The following OPCML variants were observed in gnomAD, a reference collection of about 807,000 sequenced individuals.
OPCML encodes opioid-binding protein/cell adhesion molecule.
In OPCML, 13 loss-of-function variants were observed where a neutral mutation model predicts 37.8. The ratio of observed to expected loss-of-function variants is 0.34; its 90% CI spans 0.22 to 0.55. The LOEUF (loss-of-function observed/expected upper bound fraction) is 0.55. OPCML is among the 20% of genes least tolerant of loss of function. The probability of loss-of-function intolerance (pLI) is 0.91; values close to 1 mark genes in which losing one functional copy is unlikely to be tolerated. For missense variants in OPCML, 341 were observed against 435.6 expected, an observed-to-expected ratio of 0.78 and a Z score of 1.93; for synonymous variants, 176 against 168.8, an observed-to-expected ratio of 1.04 and a Z score of -0.33.
At chr11:133,503,102 C>A (rs546483197) in intron 1 of OPCML, among the ~76,000 whole-genome samples, 51 of 152,308 alleles carry the variant, frequency 3.3e-4, no homozygotes, top group African/African-American at 1.2e-3. Flanking sequence ...GATCTATATT[C>A]TAAGCTCCGT....
intron 4 of OPCML, among the ~76,000 whole-genome samples, chr11:132,452,653 T>C (rs2096071619): frequency 6.6e-6 from 1 of 152,054 alleles, no homozygotes; most frequent in Non-Finnish European, 1.5e-5. Flanking sequence ...CACCTCCTTT[T>C]TTCATGTCCT....
chr11:132,754,731 T>C (rs2136078878), intron 2 of OPCML, among the ~76,000 whole-genome samples: 1 of 152,244 alleles, frequency 6.6e-6, no homozygotes, highest in South Asian at 2.1e-4. Flanking sequence ...TCAAAATTAA[T>C]GTGACCATGA....
At chr11:132,602,736 A>C (rs918111634) in intron 3 of OPCML, among the ~76,000 whole-genome samples, 1 of 152,182 alleles carries the variant, frequency 6.6e-6, no homozygotes, top group Non-Finnish European at 1.5e-5. Flanking sequence ...GATTTGCGCC[A>C]CCTAAATTAG....
chr11:132,835,861 A>G (rs998618066), intron 2 of OPCML, among the ~76,000 whole-genome samples: 4 of 152,162 alleles, frequency 2.6e-5, no homozygotes, highest in Non-Finnish European at 4.4e-5. Flanking sequence ...AATCCAGAAC[A>G]TCGTCCTGTA....
At chr11:132,726,706 G>A (rs1052773074) in intron 2 of OPCML, among the ~76,000 whole-genome samples, 1 of 152,062 alleles carries the variant, frequency 6.6e-6, no homozygotes, top group African/African-American at 2.4e-5. Flanking sequence ...AACCGCCATG[G>A]TCCAGAAGCA....
At chr11:133,200,575 CTATAGA>C (rs1329788348) in intron 1 of OPCML, among the ~76,000 whole-genome samples, 3 of 152,006 alleles carry the variant, frequency 2.0e-5, no homozygotes, top group Admixed American at 6.6e-5. Flanking sequence ...TATATCTAAC[CTATAGA>C]TATAGATATA....
intron 1 of OPCML, among the ~76,000 whole-genome samples, chr11:133,269,036 A>G (rs903647345): frequency 2.0e-5 from 3 of 152,170 alleles, no homozygotes; most frequent in African/African-American, 7.2e-5. Flanking sequence ...CCCTGGATCT[A>G]ACAATATTCC....
chr11:133,379,849 GT>G (rs1944895188), intron 1 of OPCML, among the ~76,000 whole-genome samples: 1 of 152,166 alleles, frequency 6.6e-6, no homozygotes, highest in Non-Finnish European at 1.5e-5. Flanking sequence ...GCTTAACTTT[GT>G]TTAACCCAAC....
At chr11:133,106,100 A>C (rs1949153677) in intron 1 of OPCML, among the ~76,000 whole-genome samples, 1 of 152,228 alleles carries the variant, frequency 6.6e-6, no homozygotes, top group South Asian at 2.1e-4. Context: ...GGCCAAACTG[A>C]ACTATTATAA....
intron 1 of OPCML, among the ~76,000 whole-genome samples, chr11:133,081,651 T>A (rs765562670): frequency 6.6e-6 from 1 of 152,202 alleles, no homozygotes; most frequent in African/African-American, 2.4e-5. Flanking sequence ...AATGCACTCC[T>A]GCTCTAGGGG....
intron 3 of OPCML, among the ~76,000 whole-genome samples, chr11:132,633,062 A>T (rs1476660408): frequency 6.6e-6 from 1 of 151,884 alleles, no homozygotes; most frequent in Non-Finnish European, 1.5e-5. Context: ...GTGACGGTGG[A>T]GCATGAGGAA....
chr11:133,285,594 C>G (rs1223074333), intron 1 of OPCML, among the ~76,000 whole-genome samples: 1 of 152,154 alleles, frequency 6.6e-6, no homozygotes, highest in Non-Finnish European at 1.5e-5. Context: ...TAAAAGGAGC[C>G]AGCTAGGGAA....
intron 2 of OPCML, among the ~76,000 whole-genome samples, chr11:132,821,031 T>C (rs1939955827): frequency 6.6e-6 from 1 of 152,190 alleles, no homozygotes. Flanking sequence ...GACAGAGTCC[T>C]TGGGTGATGG....
At chr11:132,491,121 C>T (rs981980230) in intron 4 of OPCML, among the ~76,000 whole-genome samples, 4 of 152,172 alleles carry the variant, frequency 2.6e-5, no homozygotes, top group Non-Finnish European at 5.9e-5. Flanking sequence ...TGTTGAGGCC[C>T]GCACATCTCT....
chr11:132,734,305 CAT>C (rs1287517816), intron 2 of OPCML, among the ~76,000 whole-genome samples: 22 of 152,292 alleles, frequency 1.4e-4, no homozygotes, highest in African/African-American at 5.3e-4. Context: ...CATCCAGTAA[CAT>C]GTGTCAGATG....
In OPCML at chr11:133,457,436, G is replaced by A. The variant is rs766351092; in HGVS notation, c.61+74828C>T. Among the ~76,000 whole-genome samples the A allele has an allele frequency of 2.0e-5, 3 of 152,060 alleles. No individual in the cohort carries two copies. The East Asian group carries it at 5.8e-4, about 29-fold the overall frequency. On this transcript the variant is annotated intron_variant, in intron 1 of 7. Transcript: ENST00000524381. ...CGCCTGTAGTCCCAACTACTTGGGA[G>A]GCTGAGGAGGGAGGATCACTTGAGC...
At chr11:133,099,346 T>A (rs1949051776) in intron 1 of OPCML, among the ~76,000 whole-genome samples, 1 of 150,866 alleles carries the variant, frequency 6.6e-6, no homozygotes, top group African/African-American at 2.4e-5. Flanking sequence ...CACCGCAAGC[T>A]CCACCTCCCA....
intron 2 of OPCML, among the ~76,000 whole-genome samples, chr11:132,706,439 C>A (rs1944038220): frequency 6.6e-6 from 1 of 152,172 alleles, no homozygotes. Flanking sequence ...CTACCAGGCA[C>A]AACTGCACTT....
intron 2 of OPCML, among the ~76,000 whole-genome samples, chr11:132,688,609 T>G (rs562611686): frequency 6.6e-6 from 1 of 152,174 alleles, no homozygotes; most frequent in East Asian, 1.9e-4. Flanking sequence ...TTTGATGGAA[T>G]TGGTACTGGA....
Sources: gnomAD v4.1 joint callset for allele counts (sites outside exome capture counted in the v4.1 genomes callset) on GRCh38, gnomAD v4.1.1 for gene constraint, MANE v1.5 for transcripts, NCBI Gene and HGNC (gene_info 2026-07-23, HGNC 2026-07-21) for gene names.